EIF2AK4: variants seen among roughly 807,000 people sequenced by gnomAD.
The protein encoded by EIF2AK4 is eIF-2-alpha kinase GCN2.
EIF2AK4 carries 139 observed loss-of-function variants against 211.1 expected under a neutral mutation model. The observed-to-expected ratio is 0.66, with a 90% CI of 0.57 to 0.76. EIF2AK4 has a LOEUF of 0.76. Ranked by LOEUF, EIF2AK4 falls within the 30% of genes least tolerant of loss-of-function variation. The pLI is 0.00. For missense variants in EIF2AK4, 1,664 were observed against 2,043.8 expected, an observed-to-expected ratio of 0.81 and a Z score of 3.58; for synonymous variants, 710 against 751.3, an observed-to-expected ratio of 0.94 and a Z score of 0.90.
intron 11 of EIF2AK4, among the ~76,000 whole-genome samples, chr15:39,975,614 G>A (rs1318314612): frequency 6.6e-6 from 1 of 152,202 alleles, no homozygotes; most frequent in Non-Finnish European, 1.5e-5. Flanking sequence ...AAACTGCCTG[G>A]CATAAGGATG....
At chr15:39,958,892 G>A (rs2034428703) in intron 6 of EIF2AK4, among the ~76,000 whole-genome samples, 1 of 151,244 alleles carries the variant, frequency 6.6e-6, no homozygotes, top group African/African-American at 2.4e-5. Flanking sequence ...CTCTCTTCTT[G>A]CCACTTGGCT....
At chr15:40,007,380 C>G (rs749087664) in intron 24 of EIF2AK4, among the ~76,000 whole-genome samples, 1 of 152,202 alleles carries the variant, frequency 6.6e-6, no homozygotes, top group Non-Finnish European at 1.5e-5. Context: ...TCTGGCTGTT[C>G]ATGATCACAG....
At chr15:39,959,897 C>T (rs2034442444) in intron 6 of EIF2AK4, among the ~76,000 whole-genome samples, 1 of 152,156 alleles carries the variant, frequency 6.6e-6, no homozygotes, top group African/African-American at 2.4e-5. Context: ...GGTGTGGTGG[C>T]TCATGCCTGT....
intron 35 of EIF2AK4, 133 bp from the exon 36 acceptor site, chr15:40,032,036 C>A (rs1277503147): frequency 1.2e-6 from 1 of 831,308 alleles, no homozygotes; most frequent in Non-Finnish European, 2.0e-6. Context: ...AAGGGCAAAC[C>A]TTTAGACACC....
chr15:39,961,087 T>G (rs1195356048), intron 6 of EIF2AK4, among the ~76,000 whole-genome samples: 1 of 152,128 alleles, frequency 6.6e-6, no homozygotes, highest in Non-Finnish European at 1.5e-5. Flanking sequence ...TCTAGTTTCT[T>G]AGCTCTTGCT....
In EIF2AK4 at chr15:39,957,009, G is replaced by T. The variant is rs551179283; in HGVS notation, c.743+1241G>T. Among the ~76,000 whole-genome samples the T allele has an allele frequency of 2.6e-5, 4 of 152,172 alleles. No homozygotes were observed. The South Asian group carries it at 8.3e-4, about 32-fold the overall frequency. The stretch of plus-strand genomic sequence containing the variant: ...AATTTTTAAAAAAATACTGTTTCTG[G>T]TAACCATTCCTTTTTAAGATTATAA... On this transcript the variant is annotated intron_variant, in intron 6 of 38. Transcript: ENST00000263791.
chr15:39,992,077 A>G (rs2034951367), intron 16 of EIF2AK4, 98 bp from the exon 17 acceptor site: 11 of 1,120,650 alleles, frequency 9.8e-6, no homozygotes, highest in Middle Eastern at 2.0e-4. Context: ...TTTGATTTCC[A>G]TGTAATATTT....
At position 40,007,038 on chromosome 15, in the gene EIF2AK4, C is replaced by T. The variant is rs1387180679; in HGVS notation, c.3380C>T (p.Ala1127Val). ...DLRIPFARYV[A>V]RNNILNLKRY... The stretch of plus-strand genomic sequence containing the variant: ...CAGATCCCTTTTGCAAGATATGTGG[C>T]AAGAAATAATATATTGAATTTAAAA... Residue 1127 changes from alanine (A) to valine (V), a missense_variant, in exon 24 of 39, where the codon GCA becomes GTA. Physicochemically the swap from Ala to Val is moderately conservative, Grantham distance 64. Coordinates refer to ENST00000263791, the MANE Select transcript of EIF2AK4 (RefSeq NM_001013703.4). 1 of 1,597,410 alleles carries T rather than the reference C, an allele frequency of 6.3e-7. No homozygotes were observed. The highest frequency in any genetic ancestry group is 8.6e-7 in the Non-Finnish European group (1 of 1,166,572).
In EIF2AK4 at chr15:40,017,547, A is replaced by G. The variant is rs191029859; in HGVS notation, c.4065+305A>G. On this transcript the variant is annotated intron_variant, in intron 29 of 38. Coordinates refer to ENST00000263791, the MANE Select transcript of EIF2AK4 (RefSeq NM_001013703.4). Reference sequence around the variant, plus strand: ...TATATATATATATATATATATATATATATATATGTATTTTGGAGACAGGGC... The same window carrying G: ...TATATATATATATATATATATATATGTATATATGTATTTTGGAGACAGGGC... 0.056 allele frequency among the ~76,000 whole-genome samples: 3,069 copies of G among 55,108 alleles called. 427 individuals carry two copies. Among genetic ancestry groups the G allele is most frequent in the East Asian group, 0.23 (565 of 2,482 alleles). 36.2% of individuals were successfully genotyped at this position (55,108 alleles called of 152,430 possible).
chr15:40,016,868 T>A (rs143557161), intron 28 of EIF2AK4, among the ~76,000 whole-genome samples, 196 bp downstream of exon 28: 182 of 152,378 alleles, frequency 1.2e-3, no homozygotes, highest in African/African-American at 4.2e-3. Context: ...CCACTGTTCC[T>A]ATCATGAAGC....
intron 18 of EIF2AK4, among the ~76,000 whole-genome samples, chr15:39,995,986 G>A (rs763664119): frequency 5.3e-5 from 8 of 152,158 alleles, no homozygotes; most frequent in Non-Finnish European, 1.2e-4. Flanking sequence ...CTGAAAATGC[G>A]TGCCCTTTGA....
intron 4 of EIF2AK4, among the ~76,000 whole-genome samples, chr15:39,950,613 A>G (rs534347932): frequency 1.9e-4 from 29 of 152,026 alleles, no homozygotes; most frequent in African/African-American, 7.0e-4. Flanking sequence ...AAAAGAAAAG[A>G]AAAGAAAAAT....
intron 9 of EIF2AK4, among the ~76,000 whole-genome samples, chr15:39,969,424 G>C (rs536760855): frequency 7.2e-6 from 1 of 138,184 alleles, no homozygotes; most frequent in Non-Finnish European, 1.5e-5. Context: ...GCAGTGGTAC[G>C]ATCTCAGCTT....
chr15:40,027,128 CTGTTTTCCAA>C (rs2035475644), intron 33 of EIF2AK4, among the ~76,000 whole-genome samples: 2 of 152,188 alleles, frequency 1.3e-5, no homozygotes, highest in Admixed American at 1.3e-4. Context: ...TGAAAAACAA[CTGTTTTCCAA>C]AAGAAAATTA....
chr15:39,991,769 T>G, intron 16 of EIF2AK4: 1 of 166,974 alleles, frequency 6.0e-6, no homozygotes. Flanking sequence ...CTGAGCAGCC[T>G]CTAGGAAAGA....
chr15:39,973,014 G>T lies in EIF2AK4; in HGVS notation c.1660G>T (p.Asp554Tyr). Residue 554 changes from aspartate to tyrosine, a missense_variant and splice_region_variant, in exon 10 of 39, where the codon GAT becomes TAT. This residue lies in a region of EIF2AK4 where 641 missense variants were observed against 729.6 expected (regional missense o/e 0.88). Transcript: ENST00000263791. ...KMPLVEQSPE[D>Y]SEGQDYVETV... ...GCCTCTAGTGGAACAAAGTCCTGAA[G>T]GTGAGTCTGTTACCTTTCTTTATTT... 8 of 1,612,534 alleles carry T rather than the reference G, an allele frequency of 5.0e-6. No homozygotes were observed. Among genetic ancestry groups the T allele is most frequent in the Non-Finnish European group, 6.8e-6 (8 of 1,178,598 alleles).
intron 18 of EIF2AK4, among the ~76,000 whole-genome samples, chr15:39,994,813 T>A (rs1232000759): frequency 6.6e-6 from 1 of 151,654 alleles, no homozygotes; most frequent in Non-Finnish European, 1.5e-5. Context: ...ACACTGTGAG[T>A]GTGGGCAGAC....
At chr15:40,019,257 A>G in intron 30 of EIF2AK4, 57 bp downstream of exon 30, 9 of 1,379,882 alleles carry the variant, frequency 6.5e-6, no homozygotes, top group Non-Finnish European at 7.9e-6. Flanking sequence ...TTCTAAAAGT[A>G]TGATTTGCCT....
At chr15:40,019,939 C>A (rs1053584952) in intron 30 of EIF2AK4, among the ~76,000 whole-genome samples, 3 of 151,692 alleles carry the variant, frequency 2.0e-5, no homozygotes, top group Non-Finnish European at 4.4e-5. Flanking sequence ...GCAGGCAGAT[C>A]GTTGAGCCCA....
Sources: allele counts gnomAD v4.1 joint callset (sites outside exome capture counted in the v4.1 genomes callset), GRCh38; gene constraint gnomAD v4.1.1; regional missense constraint gnomAD v4.1.1; transcripts MANE v1.5; gene names NCBI Gene and HGNC (gene_info 2026-07-23, HGNC 2026-07-21).